Variants in DCAF13 observed in about 807,000 individuals in gnomAD.
DCAF13 encodes DDB1- and CUL4-associated factor 13.
In DCAF13, 38 loss-of-function variants were observed where a neutral mutation model predicts 59.0. That is an observed-to-expected ratio of 0.64 (90% CI 0.50 to 0.84). The LOEUF (loss-of-function observed/expected upper bound fraction) is 0.84, where lower values mean the gene tolerates loss of function less well. DCAF13 is among the 40% of genes least tolerant of loss of function. The probability of loss-of-function intolerance (pLI) is 0.00; values close to 1 mark genes in which losing one functional copy is unlikely to be tolerated. For synonymous variants in DCAF13, 173 were observed against 175.0 expected, an observed-to-expected ratio of 0.99 and a Z score of 0.09; for missense variants, 469 against 558.4, an observed-to-expected ratio of 0.84 and a Z score of 1.61.
chr8:103,425,904 A>G, intron 3 of DCAF13, 152 bp from the exon 4 acceptor site: 1 of 563,912 alleles, frequency 1.8e-6, no homozygotes, highest in Non-Finnish European at 3.2e-6. Context: ...TTACTAAAAC[A>G]AGGTGGGATA....
Position 103,437,779 on chromosome 8 carries a change from A to G in DCAF13, c.950+1989A>G, listed in dbSNP as rs559128672. 1.5e-4 allele frequency among the ~76,000 whole-genome samples: 23 copies of G among 152,282 alleles called. No individual in the cohort carries two copies. In the Middle Eastern group the frequency reaches 0.01, roughly 68 times the overall value. ...AAAGACCTTAAAATGGCTAAAGCAT[A>G]TTATTTTTAAAATAAATTTTGAGTA... On this transcript the variant is annotated intron_variant, in intron 8 of 10. Coordinates refer to ENST00000612750, the MANE Select transcript of DCAF13 (RefSeq NM_015420.7).
intron 8 of DCAF13, chr8:103,439,911 CTT>C (rs1816984935): frequency 3.3e-6 from 1 of 298,900 alleles, no homozygotes; most frequent in Non-Finnish European, 6.1e-6. Context: ...ATTTATTTCT[CTT>C]ACTAGATAGT....
intron 1 of DCAF13, among the ~76,000 whole-genome samples, chr8:103,419,713 G>A (rs1432442622): frequency 6.6e-6 from 1 of 152,098 alleles, no homozygotes; most frequent in Non-Finnish European, 1.5e-5. Flanking sequence ...GAGGGTACTA[G>A]GACATATAAA....
At chr8:103,421,292 T>G in intron 3 of DCAF13, 1 of 656,816 alleles carries the variant, frequency 1.5e-6, no homozygotes. Context: ...TAATATTCAA[T>G]TTACCACAAA....
rs1312671448 is a variant in DCAF13 at position 103,418,557 on chromosome 8, A to C, written c.71-1707A>C. 2.0e-5 allele frequency among the ~76,000 whole-genome samples: 3 copies of C among 151,846 alleles called. No individual in the cohort carries two copies. In the East Asian group the frequency reaches 5.8e-4, roughly 29 times the overall value. ...CAAAACAAAAACAAAAACAAAACAC[A>C]AAAAACTAGAAATAGAGAGTTGAAA... On this transcript the variant is annotated intron_variant, in intron 1 of 10. Transcript: ENST00000612750.
intron 9 of DCAF13, 154 bp from the exon 10 acceptor site, chr8:103,441,301 A>T: frequency 1.7e-6 from 1 of 599,438 alleles, no homozygotes; most frequent in Non-Finnish European, 2.8e-6. Flanking sequence ...AGCTAGTGTT[A>T]CTAATATAAC....
rs561613359 is a variant in DCAF13, at chr8:103,442,673, G to A, written c.1251-122G>A. On this transcript the variant is annotated intron_variant, in intron 10 of 10. Transcript: ENST00000612750. ...TAGCTTCCTTTTACCTATTGTCATC[G>A]TGAAAATATTTTTTTAAATAGGTGT... The A allele has an allele frequency of 3.3e-5, 19 of 579,652 alleles. No homozygotes were observed. In the East Asian group the frequency reaches 3.4e-4, roughly 10 times the overall value. The allele number at this position is 579,652 out of a possible 1,614,324, so 35.9% of individuals were successfully genotyped here.
At chr8:103,436,395 T>C (rs1816935046) in intron 8 of DCAF13, among the ~76,000 whole-genome samples, 1 of 152,162 alleles carries the variant, frequency 6.6e-6, no homozygotes, top group Non-Finnish European at 1.5e-5. Context: ...AGTAGGTATA[T>C]GGCTTGGTTG....
At chr8:103,442,732 G>A (rs1817026805) in intron 10 of DCAF13, 63 bp from the exon 11 acceptor site, 1 of 1,139,134 alleles carries the variant, frequency 8.8e-7, no homozygotes, top group African/African-American at 1.6e-5. Context: ...TGATTTTTCT[G>A]AGAAAGTTTT....
chr8:103,422,967 G>A (rs1199124386), intron 3 of DCAF13, among the ~76,000 whole-genome samples: 2 of 152,102 alleles, frequency 1.3e-5, no homozygotes, highest in African/African-American at 2.4e-5. Flanking sequence ...ACTGGAAATA[G>A]GTGTTAGTGT....
chr8:103,441,784 T>C, intron 10 of DCAF13, 166 bp downstream of exon 10: 1 of 587,994 alleles, frequency 1.7e-6, no homozygotes, highest in Middle Eastern at 2.8e-4. Context: ...CTTTTTTCTT[T>C]TTTTTTTTTT....
At chr8:103,415,757 A>C (rs771732933) in intron 1 of DCAF13, among the ~76,000 whole-genome samples, 3 of 152,198 alleles carry the variant, frequency 2.0e-5, no homozygotes, top group Non-Finnish European at 4.4e-5. Context: ...ACAGTTGTCT[A>C]TAGTGGAGAA....
At chr8:103,426,357 A>G (rs1586129288) in intron 4 of DCAF13, among the ~76,000 whole-genome samples, 2 of 149,282 alleles carry the variant, frequency 1.3e-5, no homozygotes, top group African/African-American at 4.9e-5. Flanking sequence ...TTTGGTATTC[A>G]TTGTAGTAGA....
At chr8:103,439,858 C>G in intron 8 of DCAF13, 1 of 209,720 alleles carries the variant, frequency 4.8e-6, no homozygotes, top group East Asian at 9.7e-5. Context: ...TTTAGTTATT[C>G]TGTGAACTTT....
intron 8 of DCAF13, among the ~76,000 whole-genome samples, chr8:103,438,846 T>G (rs1361656228): frequency 6.6e-6 from 1 of 152,218 alleles, no homozygotes; most frequent in Non-Finnish European, 1.5e-5. Flanking sequence ...AAAATTTATT[T>G]CTCCAGAAGT....
chr8:103,420,611 TTTCTTCTTTAAA>T, intron 2 of DCAF13, 148 bp downstream of exon 2: 1 of 766,626 alleles, frequency 1.3e-6, no homozygotes, highest in Non-Finnish European at 2.1e-6. Context: ...TGTTTAGTAT[TTTCTTCTTTAAA>T]CCTAAGAAAT....
At chr8:103,425,960 C>A in intron 3 of DCAF13, 96 bp from the exon 4 acceptor site, 1 of 803,112 alleles carries the variant, frequency 1.2e-6, no homozygotes, top group Non-Finnish European at 2.2e-6. Context: ...GGTATGTTAC[C>A]TGTTTTAAAC....
chr8:103,426,950 C>A, intron 4 of DCAF13, 147 bp from the exon 5 acceptor site: 1 of 551,738 alleles, frequency 1.8e-6, no homozygotes, highest in South Asian at 3.8e-5. Context: ...GGTATTGTTT[C>A]CCCCTTTAAG....
intron 2 of DCAF13, 38 bp downstream of exon 2, chr8:103,420,501 A>G (rs1374035855): frequency 6.3e-7 from 1 of 1,575,514 alleles, no homozygotes; most frequent in Non-Finnish European, 8.7e-7. Flanking sequence ...AACTAAAAGT[A>G]GTTATATTAC....
Sources: gnomAD v4.1 joint callset for allele counts (sites outside exome capture counted in the v4.1 genomes callset) on GRCh38, gnomAD v4.1.1 for gene constraint, MANE v1.5 for transcripts, NCBI Gene and HGNC (gene_info 2026-07-23, HGNC 2026-07-21) for gene names.